The following GOLGA7B variants were observed in gnomAD, a reference collection of about 807,000 sequenced individuals.
GOLGA7B encodes the protein golgin subfamily A member 7B.
In GOLGA7B, 17 loss-of-function variants were observed where a neutral mutation model predicts 21.5. That is an observed-to-expected ratio of 0.79 (90% confidence interval 0.54 to 1.19). GOLGA7B has a LOEUF of 1.19. Among genes scored for constraint, GOLGA7B ranks in the 50% most tolerant of loss-of-function variants. The pLI is 0.00. For synonymous variants in GOLGA7B, 87 were observed against 84.0 expected, an observed-to-expected ratio of 1.04 and a Z score of -0.19; for missense variants, 169 against 224.4, an observed-to-expected ratio of 0.75 and a Z score of 1.58.
rs2050033862 is a variant in GOLGA7B, at chr10:97,866,874, CT to C, written c.*1175del. 1 of 152,432 alleles carries C rather than the reference CT, an allele frequency of 6.6e-6. No individual in the cohort carries two copies. Among genetic ancestry groups the C allele is most frequent in the Non-Finnish European group, 1.5e-5 (1 of 68,216 alleles). The allele number at this position is 152,432 out of a possible 1,614,324, so 9.4% of individuals were successfully genotyped here. ...TTCCCCTTGGCTGCCAGGCCAACGA[CT>C]GCTTCTCTGCATCCTGCTGTCTTCG... is the stretch of plus-strand genomic sequence containing the variant. On this transcript the variant is annotated 3_prime_UTR_variant, in exon 5 of 5. Coordinates refer to ENST00000370602, the MANE Select transcript of GOLGA7B (RefSeq NM_001010917.3).
Position 97,867,344 on chromosome 10 carries a change from G to T in GOLGA7B, c.*1644G>T, listed in dbSNP as rs2050039783. 6.6e-6 allele frequency: 1 copy of T among 152,234 alleles called. No individual in the cohort carries two copies. The allele number at this position is 152,234 out of a possible 1,614,324, so 9.4% of individuals were successfully genotyped here. On this transcript the variant is annotated 3_prime_UTR_variant, in exon 5 of 5. Coordinates refer to ENST00000370602, the MANE Select transcript of GOLGA7B (RefSeq NM_001010917.3). ...CTGGTGTCCCGAAGATGAAATGAAG[G>T]GGGCTGCCTATCTCAGTTGGCGGGA... is the stretch of plus-strand genomic sequence containing the variant.
chr10:97,862,004 G>A (rs1264094602), intron 2 of GOLGA7B, among the ~76,000 whole-genome samples: 1 of 152,188 alleles, frequency 6.6e-6, no homozygotes, highest in Non-Finnish European at 1.5e-5. Context: ...GAGCATTTCT[G>A]GTCCTGCTGC....
chr10:97,859,605 C>T, intron 2 of GOLGA7B, 22 bp downstream of exon 2: 1 of 1,612,338 alleles, frequency 6.2e-7, no homozygotes, highest in Non-Finnish European at 8.5e-7. Context: ...TTTTTCTGCA[C>T]TTGGAACCCA....
rs923776440 is a variant in GOLGA7B, at chr10:97,867,164, G to A, written c.*1464G>A. ...CTGCCCAGGGGCTGGGGCTCTTTAAGGCTTTGTAGGTGAGGTTTCCATGGA... is the reference window on the plus strand; with the variant it reads ...CTGCCCAGGGGCTGGGGCTCTTTAAAGCTTTGTAGGTGAGGTTTCCATGGA... On this transcript the variant is annotated 3_prime_UTR_variant, in exon 5 of 5. Coordinates refer to ENST00000370602, the MANE Select transcript of GOLGA7B (RefSeq NM_001010917.3). The A allele has an allele frequency of 1.3e-5, 2 of 152,060 alleles. No individual in the cohort carries two copies. Among genetic ancestry groups the A allele is most frequent in the Non-Finnish European group, 2.9e-5 (2 of 68,028 alleles). 9.4% of individuals were successfully genotyped at this position (152,060 alleles called of 1,614,324 possible).
intron 2 of GOLGA7B, among the ~76,000 whole-genome samples, chr10:97,863,421 A>C (rs761364022): frequency 3.3e-5 from 5 of 152,150 alleles, no homozygotes; most frequent in Non-Finnish European, 5.9e-5. Flanking sequence ...CTGAGCTAGA[A>C]GGAAATGCCC....
At position 97,859,568 on chromosome 10, in the gene GOLGA7B, A is replaced by G. The variant is rs780127584; in HGVS notation, c.123A>G (p.Pro41=). ...TICQFQTKFP[P]ELDSRIERQL... ...GTCAGTTCCAGACCAAATTCCCCCC[A>G]GAGCTGGACAGCCGGGTAAGGATGC... Residue 41 remains proline, a synonymous_variant, in exon 2 of 5, where the codon CCA becomes CCG. Transcript: ENST00000370602. 6.2e-7 allele frequency: 1 copy of G among 1,614,110 alleles called. No homozygotes were observed. Among genetic ancestry groups the G allele is most frequent in the South Asian group, 1.1e-5 (1 of 91,062 alleles).
chr10:97,855,714 A>T (rs2049931130), intron 1 of GOLGA7B, among the ~76,000 whole-genome samples: 1 of 152,248 alleles, frequency 6.6e-6, no homozygotes, highest in Admixed American at 6.5e-5. Flanking sequence ...ACAACATTAT[A>T]AAACCTTAAC....
Position 97,870,079 on chromosome 10 carries a change from G to T in GOLGA7B, c.*4379G>T, listed in dbSNP as rs2050075035. On this transcript the variant is annotated 3_prime_UTR_variant, in exon 5 of 5. Coordinates refer to ENST00000370602, the MANE Select transcript of GOLGA7B (RefSeq NM_001010917.3). ...TCTCACAGAGTTGTTTAGACCCGAG[G>T]CGTTCAACCTTGGTGGCAATGGATG... The T allele has an allele frequency of 6.6e-6, 1 of 152,214 alleles. No homozygotes were observed. Among genetic ancestry groups the T allele is most frequent in the Non-Finnish European group, 1.5e-5 (1 of 68,044 alleles). The allele number at this position is 152,214 out of a possible 1,614,324, so 9.4% of individuals were successfully genotyped here.
intron 1 of GOLGA7B, among the ~76,000 whole-genome samples, chr10:97,858,407 C>T (rs1414068650): frequency 6.6e-6 from 1 of 152,164 alleles, no homozygotes; most frequent in Non-Finnish European, 1.5e-5. Flanking sequence ...GATGAACTGG[C>T]TGTTGTTCAC....
chr10:97,863,842 G>A, intron 2 of GOLGA7B, 88 bp from the exon 3 acceptor site: 1 of 1,381,732 alleles, frequency 7.2e-7, no homozygotes, highest in South Asian at 1.4e-5. Flanking sequence ...CCATCTACAT[G>A]GCCCCACCAT....
intron 4 of GOLGA7B, among the ~76,000 whole-genome samples, chr10:97,864,783 T>C (rs144209973): frequency 1.4e-3 from 210 of 152,270 alleles, no homozygotes; most frequent in African/African-American, 4.9e-3. Context: ...ACATGAGGTC[T>C]AGAATGATGT....
chr10:97,865,604 C>T lies in GOLGA7B; in HGVS notation c.408C>T (p.Ile136=). The T allele has an allele frequency of 6.2e-6, 10 of 1,613,610 alleles. No individual in the cohort carries two copies. The highest frequency in any genetic ancestry group is 6.8e-6 in the Non-Finnish European group (8 of 1,179,606). ...ERGMRVIEIS[I]YEDRCSSGSS... is the part of the protein sequence containing the mutation. ...ACCGACCCCAGATTGAGATCTCCAT[C>T]TACGAGGACCGGTGCAGCAGTGGCA... The change falls in exon 5 of 5, where the codon ATC becomes ATT. Residue 136 remains isoleucine, a synonymous_variant. Coordinates refer to ENST00000370602, the MANE Select transcript of GOLGA7B (RefSeq NM_001010917.3).
chr10:97,869,398 C>T lies in GOLGA7B; in HGVS notation c.*3698C>T, dbSNP rs1382926974. ...CTGGCTGTAGCCATGTCCCTGCACC[C>T]ACCTTGCCAGCCAGGGACAGGCCCC... On this transcript the variant is annotated 3_prime_UTR_variant, in exon 5 of 5. Transcript: ENST00000370602. The T allele has an allele frequency of 2.0e-5, 3 of 152,424 alleles. No individual in the cohort carries two copies. Among genetic ancestry groups the T allele is most frequent in the Admixed American group, 1.3e-4 (2 of 15,292 alleles). The allele number at this position is 152,424 out of a possible 1,614,324, so 9.4% of individuals were successfully genotyped here.
intron 1 of GOLGA7B, among the ~76,000 whole-genome samples, chr10:97,850,875 T>C (rs2049901533): frequency 6.6e-6 from 1 of 151,152 alleles, no homozygotes; most frequent in African/African-American, 2.5e-5. Flanking sequence ...TTTTTTTTTT[T>C]TGTCCCAGGG....
chr10:97,852,204 C>CT (rs912347599), intron 1 of GOLGA7B, among the ~76,000 whole-genome samples: 3 of 152,034 alleles, frequency 2.0e-5, no homozygotes, highest in South Asian at 2.1e-4. Context: ...TTGGCCAGTG[C>CT]TTTTTTTTCC....
In GOLGA7B at chr10:97,863,932, C is replaced by G. The variant is rs758688652; in HGVS notation, c.141C>G (p.Ile47Met). The change falls in exon 3 of 5, where the codon ATC becomes ATG. Residue 47 changes from isoleucine (I) to methionine (M), a missense_variant and splice_region_variant. Transcript: ENST00000370602. ...TKFPPELDSRIERQLFEETVK... is the reference protein window; with the variant it reads ...TKFPPELDSRMERQLFEETVK... ...CCTGGCTCTGTCCCTTTCTCCAGAT[C>G]GAGCGGCAGCTCTTTGAAGAGACTG... 1.2e-6 allele frequency: 2 copies of G among 1,610,548 alleles called. No homozygotes were observed. Among genetic ancestry groups the G allele is most frequent in the African/African-American group, 1.3e-5 (1 of 75,046 alleles).
At chr10:97,863,903 G>A (rs200116904) in intron 2 of GOLGA7B, 27 bp from the exon 3 acceptor site, 17 of 1,594,024 alleles carry the variant, frequency 1.1e-5, no homozygotes, top group Admixed American at 1.7e-5. Context: ...GAGGCTAACC[G>A]CAGCCTGGCT....
intron 2 of GOLGA7B, among the ~76,000 whole-genome samples, 197 bp downstream of exon 2, chr10:97,859,780 T>G (rs913719648): frequency 4.6e-5 from 7 of 152,212 alleles, no homozygotes; most frequent in African/African-American, 1.7e-4. Flanking sequence ...TCATAGAAAA[T>G]TAGAGCTGAA....
chr10:97,854,936 A>T (rs1590158833), intron 1 of GOLGA7B, among the ~76,000 whole-genome samples: 1 of 152,168 alleles, frequency 6.6e-6, no homozygotes, highest in African/African-American at 2.4e-5. Flanking sequence ...ACAGGGCTCC[A>T]CCAGCCTCCA....
Sources: allele counts gnomAD v4.1 joint callset (sites outside exome capture counted in the v4.1 genomes callset), GRCh38; gene constraint gnomAD v4.1.1; transcripts MANE v1.5; gene names NCBI Gene and HGNC (gene_info 2026-07-23, HGNC 2026-07-21).